The following TFPI variants were observed in gnomAD, a reference collection of about 807,000 sequenced individuals.
TFPI encodes anti-convertin.
In TFPI, 15 loss-of-function variants were observed where a neutral mutation model predicts 34.6. The observed-to-expected ratio is 0.43, with a 90% CI of 0.29 to 0.67. The LOEUF (loss-of-function observed/expected upper bound fraction) is 0.67. TFPI is among the 30% of genes least tolerant of loss of function. The pLI, the probability that TFPI is intolerant of heterozygous loss-of-function variation, is 0.15. For synonymous variants in TFPI, 105 were observed against 120.1 expected (o/e 0.87, Z 0.82); for missense variants, 301 against 364.0 (o/e 0.83, Z 1.41).
intron 1 of TFPI, among the ~76,000 whole-genome samples, chr2:187,509,970 A>G (rs1431370750): frequency 6.6e-6 from 1 of 152,130 alleles, no homozygotes; most frequent in Non-Finnish European, 1.5e-5. Flanking sequence ...CCTTATCTAC[A>G]GAGCCCACAT....
chr2:187,478,639 A>G (rs763035875), intron 6 of TFPI: 2 of 1,604,820 alleles, frequency 1.2e-6, no homozygotes, highest in Non-Finnish European at 1.7e-6. Flanking sequence ...CATCACGTAT[A>G]CATATAAATA....
At chr2:187,510,693 A>G (rs750823380) in intron 1 of TFPI, among the ~76,000 whole-genome samples, 25 of 152,140 alleles carry the variant, frequency 1.6e-4, no homozygotes, top group Non-Finnish European at 3.5e-4. Flanking sequence ...AAGCACTGTG[A>G]CAATCTCTGT....
At chr2:187,511,464 T>C (rs1255406016) in intron 1 of TFPI, among the ~76,000 whole-genome samples, 2 of 152,170 alleles carry the variant, frequency 1.3e-5, no homozygotes, top group Admixed American at 6.6e-5. Flanking sequence ...GGTGTGCATG[T>C]GGTGTTTTGT....
At chr2:187,485,545 T>C (rs978044) in intron 4 of TFPI, among the ~76,000 whole-genome samples, 151,421 of 151,836 alleles carry the variant, frequency 1, 75,506 homozygotes, top group Middle Eastern at 1. Flanking sequence ...AGGACATCCT[T>C]TACTGCTGTG....
chr2:187,536,693 C>T (rs926096340), intron 1 of TFPI, among the ~76,000 whole-genome samples: 1 of 152,190 alleles, frequency 6.6e-6, no homozygotes, highest in Non-Finnish European at 1.5e-5. Flanking sequence ...GATGCCCTCT[C>T]TCACCACTCC....
chr2:187,471,348 G>C (rs1692025631), intron 6 of TFPI, among the ~76,000 whole-genome samples: 2 of 152,060 alleles, frequency 1.3e-5, no homozygotes, highest in Non-Finnish European at 2.9e-5. Flanking sequence ...TTCTTGAAGA[G>C]AAAAACTTCA....
chr2:187,553,141 C>T (rs1027255740), intron 1 of TFPI, among the ~76,000 whole-genome samples: 2 of 151,752 alleles, frequency 1.3e-5, no homozygotes, highest in Non-Finnish European at 2.9e-5. Flanking sequence ...GAGATTTTGC[C>T]TCCCTAACAC....
chr2:187,509,839 T>C (rs1159406362), intron 1 of TFPI, among the ~76,000 whole-genome samples: 3 of 152,216 alleles, frequency 2.0e-5, no homozygotes, highest in Non-Finnish European at 4.4e-5. Context: ...AAAGAGTTCC[T>C]CTTTAAAAGT....
At chr2:187,549,882 TA>T (rs1198613916) in intron 1 of TFPI, among the ~76,000 whole-genome samples, 10 of 147,470 alleles carry the variant, frequency 6.8e-5, no homozygotes, top group African/African-American at 7.5e-5. Context: ...CTGAAATAAG[TA>T]AAAAAAAAAG....
intron 6 of TFPI, among the ~76,000 whole-genome samples, chr2:187,482,413 C>A (rs922246272): frequency 2.0e-5 from 3 of 151,822 alleles, no homozygotes; most frequent in Non-Finnish European, 2.9e-5. Flanking sequence ...AATAATGCAA[C>A]GATAGTACTT....
chr2:187,479,519 A>C (rs1377071244), intron 6 of TFPI, among the ~76,000 whole-genome samples: 1 of 132,742 alleles, frequency 7.5e-6, no homozygotes, highest in African/African-American at 2.8e-5. Context: ...CTATTAGTTT[A>C]TGCTTATTTT....
At chr2:187,544,349 T>C (rs1688737058) in intron 1 of TFPI, among the ~76,000 whole-genome samples, 1 of 152,142 alleles carries the variant, frequency 6.6e-6, no homozygotes, top group Non-Finnish European at 1.5e-5. Context: ...ATATTTACAC[T>C]TAAATTACAC....
At chr2:187,478,319 C>T (rs1488235506) in intron 6 of TFPI, among the ~76,000 whole-genome samples, 1 of 152,148 alleles carries the variant, frequency 6.6e-6, no homozygotes, top group African/African-American at 2.4e-5. Context: ...GAGATCGCGC[C>T]ATTGCACTCC....
chr2:187,478,769 A>G, intron 6 of TFPI: 1 of 1,613,736 alleles, frequency 6.2e-7, no homozygotes, highest in Admixed American at 1.7e-5. Context: ...TATGAGCCGC[A>G]TTCTTCCAAC....
At chr2:187,529,221 T>C (rs751293471) in intron 1 of TFPI, 3 of 152,188 alleles carry the variant, frequency 2.0e-5, no homozygotes, top group African/African-American at 7.2e-5. Context: ...AAACAGCCAA[T>C]AAGTCTTAGA....
rs374926415 is a variant in TFPI, at chr2:187,480,090, GT to G, written c.628+4033del. ...TAATGAACACATTCAAACTCTTCGAGTTTCCATATATGCATTAATTTAATTC... is the reference window on the plus strand; with the variant it reads ...TAATGAACACATTCAAACTCTTCGAGTTCCATATATGCATTAATTTAATTC... On this transcript the variant is annotated intron_variant, in intron 6 of 7. Transcript: ENST00000233156. 1.9e-3 allele frequency among the ~76,000 whole-genome samples: 283 copies of G among 152,102 alleles called. 2 individuals are homozygous for G. Among genetic ancestry groups the G allele is most frequent in the African/African-American group, 6.6e-3 (272 of 41,504 alleles).
At chr2:187,543,422 A>G (rs1688685275) in intron 1 of TFPI, among the ~76,000 whole-genome samples, 1 of 152,224 alleles carries the variant, frequency 6.6e-6, no homozygotes, top group Non-Finnish European at 1.5e-5. Flanking sequence ...ATAGATGCAT[A>G]ATTTAAGATC....
At chr2:187,549,819 C>T (rs1689029149) in intron 1 of TFPI, among the ~76,000 whole-genome samples, 1 of 151,808 alleles carries the variant, frequency 6.6e-6, no homozygotes, top group Non-Finnish European at 1.5e-5. Context: ...ATTTTAAAAG[C>T]CCTTCTATTT....
chr2:187,537,974 A>G (rs978327778), intron 1 of TFPI, among the ~76,000 whole-genome samples: 26 of 152,258 alleles, frequency 1.7e-4, no homozygotes, highest in African/African-American at 4.8e-4. Context: ...ATCAACAAAC[A>G]TATGAATAAA....
Sources: gnomAD v4.1 joint callset for allele counts (sites outside exome capture counted in the v4.1 genomes callset) on GRCh38, gnomAD v4.1.1 for gene constraint, MANE v1.5 for transcripts, NCBI Gene and HGNC (gene_info 2026-07-23, HGNC 2026-07-21) for gene names.